The following KIF26B variants were observed in gnomAD, a reference collection of about 807,000 sequenced individuals.
The protein encoded by KIF26B is kinesin family member 26B.
In KIF26B, 63 loss-of-function variants were observed where a neutral mutation model predicts 151.2. The ratio of observed to expected loss-of-function variants is 0.42; its 90% CI spans 0.34 to 0.51. KIF26B has a LOEUF of 0.51. KIF26B is among the 20% of genes least tolerant of loss of function. KIF26B has a pLI of 0.07. For missense variants in KIF26B, 2,813 were observed against 2,913.6 expected (o/e 0.97, Z 0.79); for synonymous variants, 1,357 against 1,262.1 (o/e 1.08, Z -1.59).
intron 5 of KIF26B, among the ~76,000 whole-genome samples, chr1:245,599,040 T>C (rs1363319555): frequency 2.6e-5 from 4 of 152,052 alleles, no homozygotes; most frequent in Non-Finnish European, 1.5e-5. Context: ...GCCTGGACCC[T>C]CTCTGGAGAG....
In KIF26B at chr1:245,557,868, A is replaced by C. The variant is rs183720945; in HGVS notation, c.1350+16918A>C. On this transcript the variant is annotated intron_variant, in intron 5 of 14. Coordinates refer to ENST00000407071, the MANE Select transcript of KIF26B (RefSeq NM_018012.4). ...TTTAGTCAACAGCCCTCCAAGCTCA[A>C]ATAGGCAGAGGGTAGAACTGAGGGG... Among the ~76,000 whole-genome samples the C allele has an allele frequency of 2.2e-3, 332 of 151,834 alleles. 2 individuals are homozygous for C. Among genetic ancestry groups the C allele is most frequent in the Middle Eastern group, 0.014 (4 of 294 alleles).
intron 9 of KIF26B, among the ~76,000 whole-genome samples, chr1:245,627,850 C>T (rs1009497122): frequency 6.6e-6 from 1 of 152,162 alleles, no homozygotes; most frequent in Non-Finnish European, 1.5e-5. Flanking sequence ...ATACTATAAA[C>T]ACCTCTGTGC....
rs771362617 is a variant in KIF26B, at chr1:245,488,242, C to T, written c.1167-52525C>T. 3.9e-5 allele frequency among the ~76,000 whole-genome samples: 6 copies of T among 152,008 alleles called. No individual in the cohort carries two copies. Among genetic ancestry groups the T allele is most frequent in the Admixed American group, 6.6e-5 (1 of 15,264 alleles). On this transcript the variant is annotated intron_variant, in intron 4 of 14. Transcript: ENST00000407071. This position sits in a 1 kb window ranked among gnomAD's most constrained non-coding sequence, Gnocchi z 4.6. Reference sequence around the variant, plus strand: ...GGCCAACCCAGACTTTCCACTGGTACACTGTCTTCATTGCTTTGATAGCAA... The same window carrying T: ...GGCCAACCCAGACTTTCCACTGGTATACTGTCTTCATTGCTTTGATAGCAA...
chr1:245,464,959 G>A (rs1266549669), intron 4 of KIF26B, among the ~76,000 whole-genome samples: 4 of 151,076 alleles, frequency 2.6e-5, no homozygotes, highest in Non-Finnish European at 4.4e-5. Flanking sequence ...CCCAGCCGCA[G>A]ATTACCTGTG....
chr1:245,487,062 T>C (rs1660297536), intron 4 of KIF26B, among the ~76,000 whole-genome samples: 1 of 151,948 alleles, frequency 6.6e-6, no homozygotes, highest in African/African-American at 2.4e-5. Flanking sequence ...GCTCCCTGTA[T>C]GTGTGGAATG....
chr1:245,253,696 T>A lies in KIF26B; in HGVS notation c.465+97013T>A, dbSNP rs1306791352. 6.6e-5 allele frequency among the ~76,000 whole-genome samples: 10 copies of A among 151,904 alleles called. 1 individual carries two copies. In the South Asian group the frequency reaches 1.9e-3, roughly 28 times the overall value. On this transcript the variant is annotated intron_variant, in intron 2 of 14. Coordinates refer to ENST00000407071, the MANE Select transcript of KIF26B (RefSeq NM_018012.4). The stretch of plus-strand genomic sequence containing the variant: ...ATTTTGAACTACTAACTTAATTTTT[T>A]AAAATGGTTATAGGACTTTTCAGTT...
intron 10 of KIF26B, among the ~76,000 whole-genome samples, chr1:245,662,623 C>A (rs7529941): frequency 0.58 from 57,949 of 99,162 alleles, 17,493 homozygotes; most frequent in East Asian, 0.75. Context: ...TATATATACA[C>A]ACCCAGTGAT....
chr1:245,221,606 C>T (rs1449468649), intron 2 of KIF26B, among the ~76,000 whole-genome samples: 2 of 152,148 alleles, frequency 1.3e-5, no homozygotes, highest in Non-Finnish European at 2.9e-5. Context: ...GGTGTTTCAC[C>T]ATGTTGGCCA....
chr1:245,389,160 C>T (rs1426554240), intron 3 of KIF26B, among the ~76,000 whole-genome samples: 1 of 152,124 alleles, frequency 6.6e-6, no homozygotes, highest in African/African-American at 2.4e-5. Context: ...GTCACCTGGG[C>T]TGGAGTGCGA....
At chr1:245,694,603 T>G (rs1329016212) in intron 12 of KIF26B, among the ~76,000 whole-genome samples, 1 of 152,104 alleles carries the variant, frequency 6.6e-6, no homozygotes. Context: ...CAATGTCAGC[T>G]TCTCACGTGG....
intron 9 of KIF26B, among the ~76,000 whole-genome samples, chr1:245,620,594 G>T (rs2043647635): frequency 6.6e-6 from 1 of 152,008 alleles, no homozygotes; most frequent in Non-Finnish European, 1.5e-5. Context: ...TAGAGATGGG[G>T]TTTCACCATT....
At chr1:245,199,369 A>G (rs1255840535) in intron 2 of KIF26B, among the ~76,000 whole-genome samples, 1 of 152,008 alleles carries the variant, frequency 6.6e-6, no homozygotes, top group African/African-American at 2.4e-5. Context: ...GTTGGATGGT[A>G]GTGCGTAGTT....
intron 2 of KIF26B, among the ~76,000 whole-genome samples, chr1:245,320,384 C>T (rs1001680415): frequency 6.6e-6 from 1 of 152,172 alleles, no homozygotes; most frequent in African/African-American, 2.4e-5. Flanking sequence ...TCCCATGTGC[C>T]GCCTCTCGTT....
intron 4 of KIF26B, among the ~76,000 whole-genome samples, chr1:245,435,061 AT>A (rs1658877273): frequency 5.6e-5 from 2 of 36,024 alleles, no homozygotes; most frequent in African/African-American, 1.1e-4. Flanking sequence ...CTCTCCATCC[AT>A]CCATCCATCC....
At chr1:245,400,909 A>G (rs1293745363) in intron 3 of KIF26B, among the ~76,000 whole-genome samples, 1 of 152,160 alleles carries the variant, frequency 6.6e-6, no homozygotes, top group Non-Finnish European at 1.5e-5. Flanking sequence ...ATAAAAAAAG[A>G]CCAAAAAAAA....
At chr1:245,599,928 T>C (rs1402441023) in intron 5 of KIF26B, among the ~76,000 whole-genome samples, 1 of 151,996 alleles carries the variant, frequency 6.6e-6, no homozygotes, top group African/African-American at 2.4e-5. Flanking sequence ...ATAGGAGCCT[T>C]GTTGGGCCCA....
chr1:245,171,855 G>A (rs1463176030), intron 2 of KIF26B, among the ~76,000 whole-genome samples: 1 of 152,168 alleles, frequency 6.6e-6, no homozygotes, highest in Non-Finnish European at 1.5e-5. Context: ...TTCCGTGTTG[G>A]TTTCCTCGCT....
intron 2 of KIF26B, among the ~76,000 whole-genome samples, chr1:245,277,822 G>A (rs983529440): frequency 6.6e-6 from 1 of 152,092 alleles, no homozygotes; most frequent in Non-Finnish European, 1.5e-5. Context: ...CAGGGAGGAT[G>A]GGGGTTGGAA....
Position 245,512,930 on chromosome 1 carries a change from C to G in KIF26B, c.1167-27837C>G, listed in dbSNP as rs569629033. Among the ~76,000 whole-genome samples the G allele has an allele frequency of 5.7e-4, 87 of 152,122 alleles. No homozygotes were observed. The highest frequency in any genetic ancestry group is 4.4e-3 in the South Asian group (21 of 4,794). On this transcript the variant is annotated intron_variant, in intron 4 of 14. Transcript: ENST00000407071. The surrounding 1 kb of genome is among the most constrained non-coding windows in gnomAD (Gnocchi z 4.3). ...ACTAAAAACAGAATAATTTTCTTAC[C>G]CAAATTCCAGTTCTCATCCTTGTTT...
Sources: allele counts gnomAD v4.1 joint callset (sites outside exome capture counted in the v4.1 genomes callset), GRCh38; gene constraint gnomAD v4.1.1; non-coding constraint Gnocchi (gnomAD v3.1); transcripts MANE v1.5; gene names NCBI Gene and HGNC (gene_info 2026-07-23, HGNC 2026-07-21).